Variants in PTPRG observed in about 807,000 individuals in gnomAD.
The protein encoded by PTPRG is receptor-type tyrosine-protein phosphatase gamma.
Under a neutral mutation model 165.3 loss-of-function variants are expected in PTPRG, and 102 were observed. That is an observed-to-expected ratio of 0.62 (90% confidence interval 0.53 to 0.73). The LOEUF is 0.73. Among genes scored for constraint, PTPRG ranks in the 30% least tolerant of loss-of-function variants. The pLI, the probability that PTPRG is intolerant of heterozygous loss-of-function variation, is 0.00. For missense variants in PTPRG, 1,866 were observed against 1,861.4 expected (o/e 1.00, Z -0.05); for synonymous variants, 675 against 669.5 (o/e 1.01, Z -0.13).
At chr3:61,632,713 A>G (rs938210239) in intron 1 of PTPRG, among the ~76,000 whole-genome samples, 11 of 152,222 alleles carry the variant, frequency 7.2e-5, no homozygotes, top group Non-Finnish European at 1.2e-4. Context: ...CCAGCAAGTG[A>G]TGATGTAAGC....
intron 2 of PTPRG, among the ~76,000 whole-genome samples, chr3:61,813,267 G>A (rs926950134): frequency 4.0e-5 from 6 of 149,348 alleles, no homozygotes; most frequent in South Asian, 2.1e-4. Flanking sequence ...AGGCTTAGGC[G>A]AGTGGATCAC....
At chr3:62,108,205 C>A (rs1702540802) in intron 5 of PTPRG, among the ~76,000 whole-genome samples, 1 of 151,992 alleles carries the variant, frequency 6.6e-6, no homozygotes, top group African/African-American at 2.4e-5. Flanking sequence ...AGCCCCCCAC[C>A]CCGCAACAGG....
chr3:62,130,813 C>T (rs1220039224), intron 5 of PTPRG, among the ~76,000 whole-genome samples: 1 of 152,090 alleles, frequency 6.6e-6, no homozygotes. Flanking sequence ...GTGCAGTTAC[C>T]TTTCAAGAAT....
At chr3:61,672,812 GGAGA>G (rs1304800137) in intron 1 of PTPRG, among the ~76,000 whole-genome samples, 16 of 148,076 alleles carry the variant, frequency 1.1e-4, no homozygotes, top group South Asian at 2.1e-4. Flanking sequence ...GGAGAGAGAG[GGAGA>G]GAGAGAGGGA....
At position 61,748,929 on chromosome 3, in the gene PTPRG, C is replaced by T. The variant is rs1362950993; in HGVS notation, c.137C>T (p.Ala46Val). 1.6e-5 allele frequency: 25 copies of T among 1,612,516 alleles called. No individual in the cohort carries two copies. Among genetic ancestry groups the T allele is most frequent in the Non-Finnish European group, 2.0e-5 (24 of 1,179,480 alleles). Residue 46 changes from alanine to valine, a missense_variant, in exon 2 of 30, where the codon GCA becomes GTA. Ala to Val is a moderately conservative substitution (Grantham distance 64). Transcript: ENST00000474889. ...CTGCACGAGAATAGACACGGCAGCGCAGTGCAGATCCGCAGGCGCAAGGCT... is the reference window on the plus strand; with the variant it reads ...CTGCACGAGAATAGACACGGCAGCGTAGTGCAGATCCGCAGGCGCAAGGCT... ...GALHENRHGS[A>V]VQIRRRKASG...
chr3:62,243,863 T>A lies in PTPRG; in HGVS notation c.2432T>A (p.Val811Asp). 6.3e-7 allele frequency: 1 copy of A among 1,590,438 alleles called. No homozygotes were observed. ...YVEDSSSPRVVPNESIPIIPI... is the reference protein window; with the variant it reads ...YVEDSSSPRVDPNESIPIIPI... The stretch of plus-strand genomic sequence containing the variant: ...GAAGACAGCAGTTCACCTCGAGTGG[T>A]CCCTAATGAAAGTATCCCTATTATT... Residue 811 changes from valine to aspartate, a missense_variant, in exon 15 of 30, where the codon GTC (valine) becomes GAC (aspartate). Around this residue, in one of 3 missense-constraint regions of PTPRG, gnomAD observed 1,452 missense variants for 1,463.0 expected, o/e 0.99. Coordinates refer to ENST00000474889, the MANE Select transcript of PTPRG (RefSeq NM_002841.4).
At chr3:61,887,144 ATATATATATATATATATATATATATATT>A (rs2038066270) in intron 2 of PTPRG, among the ~76,000 whole-genome samples, 2 of 55,954 alleles carry the variant, frequency 3.6e-5, no homozygotes, top group Non-Finnish European at 1.2e-4. Flanking sequence ...ATATATATAT[ATATATATATATATATATATATATATATT>A]TTTAATGCCA....
Position 62,217,217 on chromosome 3 carries a change from G to C in PTPRG, c.2156-1634G>C, listed in dbSNP as rs1700533691. Among the ~76,000 whole-genome samples the C allele has an allele frequency of 6.6e-6, 1 of 152,150 alleles. No individual in the cohort carries two copies. Among genetic ancestry groups the C allele is most frequent in the Non-Finnish European group, 1.5e-5 (1 of 68,034 alleles). On this transcript the variant is annotated intron_variant, in intron 12 of 29. Transcript: ENST00000474889. This position sits in a 1 kb window ranked among gnomAD's most constrained non-coding sequence, Gnocchi z 4.3. ...AAAATGGGCAGGCACAGCTAGGAAG[G>C]CACTTTATAAATGGCAAAGTGCTCT...
At chr3:61,963,146 A>G (rs538538308) in intron 2 of PTPRG, among the ~76,000 whole-genome samples, 14 of 152,186 alleles carry the variant, frequency 9.2e-5, no homozygotes, top group African/African-American at 2.9e-4. Context: ...GTAGCATACT[A>G]TACATGCTGT....
chr3:61,877,661 G>A (rs1373422857), intron 2 of PTPRG, among the ~76,000 whole-genome samples: 1 of 152,212 alleles, frequency 6.6e-6, no homozygotes, highest in Non-Finnish European at 1.5e-5. Flanking sequence ...GGATGTTAAC[G>A]TGTTTGCATG....
At chr3:61,670,075 TA>T (rs1285089613) in intron 1 of PTPRG, among the ~76,000 whole-genome samples, 1 of 152,158 alleles carries the variant, frequency 6.6e-6, no homozygotes, top group African/African-American at 2.4e-5. Context: ...TTGATGGGGA[TA>T]AATATCTGCT....
chr3:61,923,692 A>ATTTT (rs71123241), intron 2 of PTPRG, among the ~76,000 whole-genome samples: 10 of 100,848 alleles, frequency 9.9e-5, no homozygotes, highest in Non-Finnish European at 1.7e-4. Context: ...TATTTTTTGT[A>ATTTT]TTTTTTTTTT....
intron 5 of PTPRG, among the ~76,000 whole-genome samples, chr3:62,131,779 G>C (rs1703523705): frequency 6.6e-6 from 1 of 152,068 alleles, no homozygotes; most frequent in African/African-American, 2.4e-5. Flanking sequence ...TAATCCTGTG[G>C]CATGTATACC....
chr3:62,161,274 C>G (rs1269452110), intron 7 of PTPRG, among the ~76,000 whole-genome samples: 2 of 152,100 alleles, frequency 1.3e-5, no homozygotes, highest in Non-Finnish European at 2.9e-5. Context: ...GATCACCAGC[C>G]TTTAAAGCAG....
intron 4 of PTPRG, among the ~76,000 whole-genome samples, chr3:62,014,470 T>C (rs1477972157): frequency 6.6e-6 from 1 of 152,208 alleles, no homozygotes. Context: ...GGAAGATATT[T>C]AGGTTAATAG....
intron 2 of PTPRG, among the ~76,000 whole-genome samples, chr3:61,877,460 A>T (rs902792171): frequency 6.6e-6 from 1 of 152,166 alleles, no homozygotes; most frequent in Non-Finnish European, 1.5e-5. Context: ...AGGTGCCTAC[A>T]TGTGGTTGTT....
intron 1 of PTPRG, among the ~76,000 whole-genome samples, chr3:61,718,519 A>C (rs79077173): frequency 0.023 from 3,481 of 152,288 alleles, 47 homozygotes; most frequent in South Asian, 0.039. Flanking sequence ...TAGTTTTAAA[A>C]TCTGAGACTG....
chr3:62,082,356 G>C (rs1158858842), intron 5 of PTPRG, among the ~76,000 whole-genome samples: 1 of 152,180 alleles, frequency 6.6e-6, no homozygotes, highest in Admixed American at 6.5e-5. Flanking sequence ...CACAAACCTA[G>C]CAGACATCTG....
intron 2 of PTPRG, among the ~76,000 whole-genome samples, chr3:61,842,601 C>A (rs2036668632): frequency 6.7e-6 from 1 of 150,230 alleles, no homozygotes; most frequent in East Asian, 2.0e-4. Flanking sequence ...ATTTCTACTG[C>A]TACAACACAA....
Sources: gnomAD v4.1 joint callset for allele counts (sites outside exome capture counted in the v4.1 genomes callset) on GRCh38, gnomAD v4.1.1 for gene constraint, gnomAD v4.1.1 regional missense constraint, Gnocchi (gnomAD v3.1) non-coding constraint, MANE v1.5 for transcripts, NCBI Gene and HGNC (gene_info 2026-07-23, HGNC 2026-07-21) for gene names.